The following CACNG8 variants were observed in gnomAD, a reference collection of about 807,000 sequenced individuals.
The protein encoded by CACNG8 is calcium voltage-gated channel auxiliary subunit gamma 8.
CACNG8 carries 5 observed loss-of-function variants against 26.9 expected under a neutral mutation model. The ratio of observed to expected loss-of-function variants is 0.19; its 90% confidence interval spans 0.10 to 0.39. CACNG8 has a LOEUF of 0.39. Ranked by LOEUF, CACNG8 falls within the 10% of genes least tolerant of loss-of-function variation. CACNG8 has a pLI of 1.00. For missense variants in CACNG8, 473 were observed against 609.4 expected (o/e 0.78, Z 2.36); for synonymous variants, 321 against 296.7 (o/e 1.08, Z -0.84).
rs375126887 is a variant in CACNG8, at chr19:53,985,327, C to T, written c.*2478C>T. 2 of 11,636 alleles carry T rather than the reference C, an allele frequency of 1.7e-4. No homozygotes were observed. Among genetic ancestry groups the T allele is most frequent in the Non-Finnish European group, 3.2e-4 (2 of 6,300 alleles). 0.7% of individuals were successfully genotyped at this position (11,636 alleles called of 1,614,324 possible). On this transcript the variant is annotated 3_prime_UTR_variant, in exon 4 of 4. Transcript: ENST00000270458. ...GGGGCTCTGCGTGCCCTTCTCTTGA[C>T]GGAAGGGTACAGATCAGAGCTGGGT...
chr19:53,975,422 C>G (rs2069325288), intron 1 of CACNG8, among the ~76,000 whole-genome samples: 1 of 152,084 alleles, frequency 6.6e-6, no homozygotes, highest in Non-Finnish European at 1.5e-5. Context: ...CTCTCTCGCC[C>G]AGGCTGGAGT....
intron 3 of CACNG8, among the ~76,000 whole-genome samples, 193 bp downstream of exon 3, chr19:53,980,200 C>T (rs970005143): frequency 5.9e-5 from 9 of 152,144 alleles, no homozygotes; most frequent in African/African-American, 2.2e-4. Context: ...CATCGCCACC[C>T]GCTGGGTAAG....
chr19:53,979,067 G>C (rs1290031137), intron 2 of CACNG8, among the ~76,000 whole-genome samples: 7 of 149,882 alleles, frequency 4.7e-5, no homozygotes, highest in African/African-American at 1.5e-4. Context: ...AAAAAAGAGG[G>C]GGGAGAGACC....
chr19:53,963,471 G>T (rs780974320), intron 1 of CACNG8, 46 bp downstream of exon 1: 2 of 1,421,468 alleles, frequency 1.4e-6, no homozygotes, highest in Non-Finnish European at 9.1e-7. Context: ...GCTCCCCTCC[G>T]AGAGACCCTG....
In CACNG8 at chr19:53,977,587, T is replaced by C. The variant is rs79728451; in HGVS notation, c.284-559T>C. On this transcript the variant is annotated intron_variant, in intron 1 of 3. Transcript: ENST00000270458. ...GCAGAAAGAGACTGGAACCTCTCTC[T>C]CCCCATCCCCACAGGACTAGAGACT... is the stretch of plus-strand genomic sequence containing the variant. Among the ~76,000 whole-genome samples, 392 of 152,172 alleles carry C rather than the reference T, an allele frequency of 2.6e-3. 7 individuals are homozygous for C. In the East Asian group the frequency reaches 0.04, roughly 15 times the overall value.
chr19:53,972,361 C>CTTTTTTTTTTTTTTTTTTTTTT (rs577196456), intron 1 of CACNG8, among the ~76,000 whole-genome samples: 1 of 106,288 alleles, frequency 9.4e-6, no homozygotes, highest in Non-Finnish European at 1.8e-5. Flanking sequence ...TTCTTCTTTT[C>CTTTTTTTTTTTTTTTTTTTTTT]TTTTTTTTTT....
At chr19:53,978,695 G>C (rs904642515) in intron 2 of CACNG8, among the ~76,000 whole-genome samples, 1 of 131,840 alleles carries the variant, frequency 7.6e-6, no homozygotes, top group Non-Finnish European at 1.6e-5. Context: ...GCCAGGTTCC[G>C]AAATCGCAAA....
rs1475777105 is a variant in CACNG8, at chr19:53,989,511, A to G, written c.*6662A>G. 1.3e-5 allele frequency: 2 copies of G among 152,420 alleles called. No homozygotes were observed. The highest frequency in any genetic ancestry group is 2.9e-5 in the Non-Finnish European group (2 of 68,036). The allele number at this position is 152,420 out of a possible 1,614,324, so 9.4% of individuals were successfully genotyped here. A position where few individuals can be genotyped will look rare whatever the true frequency, so the allele number is the denominator to read the frequency against. On this transcript the variant is annotated 3_prime_UTR_variant, in exon 4 of 4. Transcript: ENST00000270458. ...TCAAGGAATGATCAATAAAAAGAAA[A>G]AAAAATATTTCCTGAGGACTTCCAA...
intron 1 of CACNG8, among the ~76,000 whole-genome samples, chr19:53,971,097 G>C (rs1038244620): frequency 2.6e-5 from 4 of 152,020 alleles, no homozygotes; most frequent in Non-Finnish European, 5.9e-5. Flanking sequence ...TTGGAGACCA[G>C]CCTGGCCAAC....
rs2069406230 is a variant in CACNG8 at position 53,986,102 on chromosome 19, G to C, written c.*3253G>C. ...ATACAGAGGAGAGAGAAGAGGAAGA[G>C]GAGAGACTGACAGGTGCACAAATCA... On this transcript the variant is annotated 3_prime_UTR_variant, in exon 4 of 4. Transcript: ENST00000270458. 6.6e-6 allele frequency: 1 copy of C among 152,358 alleles called. No individual in the cohort carries two copies. The highest frequency in any genetic ancestry group is 1.5e-5 in the Non-Finnish European group (1 of 68,304). 9.4% of individuals were successfully genotyped at this position (152,358 alleles called of 1,614,324 possible). A position where few individuals can be genotyped will look rare whatever the true frequency, so the allele number is the denominator to read the frequency against.
chr19:53,982,645 C>T lies in CACNG8; in HGVS notation c.1074C>T (p.Asp358=), dbSNP rs1363146397. 9.6e-7 allele frequency: 1 copy of T among 1,045,310 alleles called. No individual in the cohort carries two copies. The highest frequency in any genetic ancestry group is 1.7e-5 in the African/African-American group (1 of 58,106). 64.8% of individuals were successfully genotyped at this position (1,045,310 alleles called of 1,614,324 possible). ...GCGGCGGGGCGGGTGCCGAGCGGGA[C>T]CGCGGGGGGGCGTCCGGCTTCCTCA... Residue 358 remains aspartate, a synonymous_variant, in exon 4 of 4, where the codon GAC becomes GAT. Coordinates refer to ENST00000270458, the MANE Select transcript of CACNG8 (RefSeq NM_031895.6). This position sits in a 1 kb window ranked among gnomAD's most constrained non-coding sequence, Gnocchi z 8.4.
In CACNG8 at chr19:53,982,150, CGAG is replaced by C. The variant is rs770646397; in HGVS notation, c.583_585del (p.Glu195del). 46 of 1,612,330 alleles carry C rather than the reference CGAG, an allele frequency of 2.9e-5. No individual in the cohort carries two copies. The highest frequency in any genetic ancestry group is 3.5e-5 in the Non-Finnish European group (41 of 1,179,282). Reference sequence around the variant, plus strand: ...CGGGCGAGCCGGGCCCGAAGCGGGACGAGGAGAAGAAAAACCACTACTCGTACG... The same window carrying C: ...CGGGCGAGCCGGGCCCGAAGCGGGACGAGAAGAAAAACCACTACTCGTACG... On this transcript the variant is annotated inframe_deletion, in exon 4 of 4. Coordinates refer to ENST00000270458, the MANE Select transcript of CACNG8 (RefSeq NM_031895.6). The surrounding 1 kb of genome is among the most constrained non-coding windows in gnomAD (Gnocchi z 8.4).
intron 1 of CACNG8, among the ~76,000 whole-genome samples, chr19:53,964,184 C>G (rs529656846): frequency 1.3e-5 from 2 of 152,032 alleles, no homozygotes; most frequent in Non-Finnish European, 2.9e-5. Flanking sequence ...CCTCGTGCCC[C>G]GTGACATCTT....
At chr19:53,973,532 A>T (rs2069314145) in intron 1 of CACNG8, among the ~76,000 whole-genome samples, 1 of 148,042 alleles carries the variant, frequency 6.8e-6, no homozygotes, top group Admixed American at 6.7e-5. Context: ...CTTAAAAAAA[A>T]TAAATAAATA....
At chr19:53,978,271 C>A in intron 2 of CACNG8, 42 bp downstream of exon 2, 2 of 1,541,054 alleles carry the variant, frequency 1.3e-6, no homozygotes, top group East Asian at 2.3e-5. Flanking sequence ...TGGGTCAAAT[C>A]GCGGGGCCTG....
Position 53,982,146 on chromosome 19 carries a change from G to A in CACNG8, c.575G>A (p.Arg192Gln). ...AACGCGGGCGAGCCGGGCCCGAAGC[G>A]GGACGAGGAGAAGAAAAACCACTAC... The change falls in exon 4 of 4, where the codon CGG becomes CAG. Residue 192 changes from arginine (R) to glutamine (Q), a missense_variant. By Grantham distance (43) the Arg-to-Gln change is conservative. This residue lies in a region of CACNG8 where 155 missense variants were observed against 253.0 expected (regional missense o/e 0.61). Transcript: ENST00000270458. The surrounding 1 kb of genome is among the most constrained non-coding windows in gnomAD (Gnocchi z 8.4). 1.2e-6 allele frequency: 2 copies of A among 1,612,086 alleles called. No homozygotes were observed. Among genetic ancestry groups the A allele is most frequent in the African/African-American group, 1.3e-5 (1 of 75,010 alleles).
chr19:53,974,882 C>T (rs556668854), intron 1 of CACNG8, among the ~76,000 whole-genome samples: 19 of 150,884 alleles, frequency 1.3e-4, no homozygotes, highest in Non-Finnish European at 5.9e-5. Context: ...CCACGTGATC[C>T]GCCCACCTCG....
chr19:53,982,137 G>A lies in CACNG8; in HGVS notation c.566G>A (p.Gly189Asp), dbSNP rs2145942321. 11 of 1,611,126 alleles carry A rather than the reference G, an allele frequency of 6.8e-6. No homozygotes were observed. Among genetic ancestry groups the A allele is most frequent in the Non-Finnish European group, 9.3e-6 (11 of 1,178,722 alleles). Residue 189 changes from glycine (G) to aspartate (D), a missense_variant, in exon 4 of 4, where the codon GGC becomes GAC. Physicochemically the swap from Gly to Asp is moderately conservative, Grantham distance 94. Transcript: ENST00000270458. The surrounding 1 kb of genome is among the most constrained non-coding windows in gnomAD (Gnocchi z 8.4). ...ATCTCCGCCAACGCGGGCGAGCCGG[G>A]CCCGAAGCGGGACGAGGAGAAGAAA...
intron 2 of CACNG8, among the ~76,000 whole-genome samples, chr19:53,978,441 G>C (rs759026536): frequency 2.0e-5 from 3 of 152,142 alleles, no homozygotes; most frequent in African/African-American, 4.8e-5. Context: ...CTCACCTTGG[G>C]GCGGGCTGAG....
Sources: allele counts gnomAD v4.1 joint callset (sites outside exome capture counted in the v4.1 genomes callset), GRCh38; gene constraint gnomAD v4.1.1; regional missense constraint gnomAD v4.1.1; non-coding constraint Gnocchi (gnomAD v3.1); transcripts MANE v1.5; gene names NCBI Gene and HGNC (gene_info 2026-07-23, HGNC 2026-07-21).